RNASET2: variants seen among roughly 807,000 people sequenced by gnomAD.
RNASET2 encodes the protein ribonuclease 6.
A neutral mutation model predicts 33.9 loss-of-function variants in RNASET2; 28 were observed. That is an observed-to-expected ratio of 0.83 (90% CI 0.61 to 1.13). The LOEUF is 1.13. Among genes scored for constraint, RNASET2 ranks in the 50% most tolerant of loss-of-function variants. The probability of loss-of-function intolerance (pLI) is 0.00; values close to 1 mark genes in which losing one functional copy is unlikely to be tolerated. For synonymous variants in RNASET2, 123 were observed against 121.0 expected, an observed-to-expected ratio of 1.02 and a Z score of -0.11; for missense variants, 330 against 319.9, an observed-to-expected ratio of 1.03 and a Z score of -0.24.
intron 1 of RNASET2, among the ~76,000 whole-genome samples, chr6:166,955,308 GACACACA>G (rs1490318693): frequency 2.7e-5 from 1 of 36,966 alleles, no homozygotes; most frequent in Admixed American, 2.7e-4. Flanking sequence ...GCGCACACAC[GACACACA>G]CGCACACACA....
chr6:166,938,875 C>A lies in RNASET2; in HGVS notation c.446+20G>T. 1 of 1,550,942 alleles carries A rather than the reference C, an allele frequency of 6.4e-7. No individual in the cohort carries two copies. Among genetic ancestry groups the A allele is most frequent in the Non-Finnish European group, 8.9e-7 (1 of 1,122,276 alleles). ...AGAGATCCCCACTGGGAAGTGCAGCCGGGGGAAGGGCGCACCCACCTGTTG... is the reference window on the plus strand; with the variant it reads ...AGAGATCCCCACTGGGAAGTGCAGCAGGGGGAAGGGCGCACCCACCTGTTG... On this transcript the variant is annotated intron_variant, in intron 6 of 8. Coordinates refer to ENST00000508775, the MANE Select transcript of RNASET2 (RefSeq NM_003730.6).
In RNASET2 at chr6:166,946,682, C is replaced by T; in HGVS notation, c.261G>A (p.Lys87=). 1 of 1,505,614 alleles carries T rather than the reference C, an allele frequency of 6.6e-7. No homozygotes were observed. The highest frequency in any genetic ancestry group is 2.3e-5 in the East Asian group (1 of 43,328). The allele number at this position is 1,505,614 out of a possible 1,614,324, so 93.3% of individuals were successfully genotyped here. ...RSWPFNLEEI[K]DLLPEMRAYW... is the part of the protein sequence containing the mutation. ...TAGAAATATAATTAAAAGTCAATACCTTAATCTCTTCTAAATTGAAGGGCC... is the reference window on the plus strand; with the variant it reads ...TAGAAATATAATTAAAAGTCAATACTTTAATCTCTTCTAAATTGAAGGGCC... The change falls in exon 4 of 9, where the codon AAG becomes AAA. Residue 87 remains lysine (K), a splice_region_variant and synonymous_variant. Transcript: ENST00000508775.
chr6:166,932,808 G>A (rs1184332108), intron 7 of RNASET2: 1 of 152,212 alleles, frequency 6.6e-6, no homozygotes, highest in Non-Finnish European at 1.5e-5. Flanking sequence ...CCGAGCTCTG[G>A]GCAAACATGG....
rs748531821 is a variant in RNASET2, at chr6:166,955,411, G to GCACA, written c.86+682_86+685dup. ...CACACACACGCGCACACACACACGC[G>GCACA]CACACACACACACACGCGGAGGGCG... On this transcript the variant is annotated intron_variant, in intron 1 of 8. Coordinates refer to ENST00000508775, the MANE Select transcript of RNASET2 (RefSeq NM_003730.6). 5.3e-4 allele frequency: 276 copies of GCACA among 517,742 alleles called. 2 individuals carry two copies. The East Asian group carries it at 0.028, about 53-fold the overall frequency. 32.1% of individuals were successfully genotyped at this position (517,742 alleles called of 1,614,324 possible). A position where few individuals can be genotyped will look rare whatever the true frequency, so the allele number is the denominator to read the frequency against.
intron 7 of RNASET2, chr6:166,932,555 C>T (rs1778473126): frequency 6.6e-6 from 1 of 152,292 alleles, no homozygotes; most frequent in South Asian, 2.1e-4. Flanking sequence ...CGGCAGCTCT[C>T]CTGGGTGCTC....
intron 3 of RNASET2, among the ~76,000 whole-genome samples, chr6:166,947,055 C>T (rs192748659): frequency 5.3e-5 from 8 of 152,186 alleles, no homozygotes; most frequent in East Asian, 1.9e-4. Context: ...GGGTCAGCCC[C>T]GGCTGGGTTG....
intron 1 of RNASET2, 34 bp from the exon 2 acceptor site, chr6:166,952,582 C>CT (rs760832781): frequency 6.4e-7 from 1 of 1,569,758 alleles, no homozygotes; most frequent in Non-Finnish European, 8.8e-7. Context: ...TTTTCAAGAA[C>CT]TTTTTTTAAA....
intron 5 of RNASET2, among the ~76,000 whole-genome samples, chr6:166,940,423 C>T (rs1778667606): frequency 6.6e-6 from 1 of 152,176 alleles, no homozygotes; most frequent in South Asian, 2.1e-4. Context: ...GAGTAACTGT[C>T]TTCATCTAGA....
chr6:166,931,349 C>G (rs980953593), intron 7 of RNASET2: 5 of 572,748 alleles, frequency 8.7e-6, no homozygotes, highest in Non-Finnish European at 1.6e-5. Context: ...CTCTGTTTTC[C>G]TCTCTGCTCC....
intron 6 of RNASET2, 158 bp downstream of exon 6, chr6:166,938,737 A>G: frequency 5.2e-6 from 4 of 773,312 alleles, no homozygotes; most frequent in South Asian, 1.4e-5. Context: ...TAGGCTCAGA[A>G]CATTCCTCAG....
At chr6:166,948,518 T>A in intron 3 of RNASET2, 52 bp downstream of exon 3, 1 of 1,092,754 alleles carries the variant, frequency 9.2e-7, no homozygotes, top group Non-Finnish European at 1.4e-6. Flanking sequence ...AAGCTAGGGT[T>A]CCCAGTCAGC....
chr6:166,937,187 A>G (rs1339588552), intron 6 of RNASET2, among the ~76,000 whole-genome samples: 1 of 152,074 alleles, frequency 6.6e-6, no homozygotes, highest in African/African-American at 2.4e-5. Flanking sequence ...CACAGGCTGG[A>G]GTGCAATGGC....
chr6:166,954,193 C>T (rs1779052320), intron 1 of RNASET2, among the ~76,000 whole-genome samples: 1 of 151,618 alleles, frequency 6.6e-6, no homozygotes, highest in Non-Finnish European at 1.5e-5. Context: ...AAAGAAAAAT[C>T]ACCAAGGTCT....
At chr6:166,930,999 CT>C in intron 8 of RNASET2, 44 bp downstream of exon 8, 1 of 1,343,882 alleles carries the variant, frequency 7.4e-7, no homozygotes, top group Non-Finnish European at 1.1e-6. Context: ...AAAGTAGAAC[CT>C]GTCTTCTTGA....
chr6:166,952,380 C>T (rs566987943), intron 2 of RNASET2, 108 bp downstream of exon 2: 19 of 974,478 alleles, frequency 1.9e-5, no homozygotes, highest in Non-Finnish European at 3.2e-5. Flanking sequence ...CAGAGCGATG[C>T]CTACCTCCCG....
In RNASET2 at chr6:166,925,476, CCCAGCCCTCACCTCCCCTGT is replaced by C. The variant is rs914286926; in HGVS notation, c.*4092_*4111del. ...TGCCACCCAGGCCTCATCTATACTG[CCCAGCCCTCACCTCCCCTGT>C]CCAGCCCTCACCTCCCCGGTCCAGC... On this transcript the variant is annotated 3_prime_UTR_variant, in exon 9 of 9. Transcript: ENST00000508775. 2.0e-5 allele frequency among the ~76,000 whole-genome samples: 3 copies of C among 151,400 alleles called. No homozygotes were observed. Among genetic ancestry groups the C allele is most frequent in the Admixed American group, 1.3e-4 (2 of 15,212 alleles).
At position 166,946,899 on chromosome 6, in the gene RNASET2, G is replaced by A. The variant is rs1322646269; in HGVS notation, c.204-160C>T. 6 of 696,506 alleles carry A rather than the reference G, an allele frequency of 8.6e-6. No individual in the cohort carries two copies. The East Asian group carries it at 1.1e-4, about 13-fold the overall frequency. The allele number at this position is 696,506 out of a possible 1,614,324, so 43.1% of individuals were successfully genotyped here. A position where few individuals can be genotyped will look rare whatever the true frequency, so the allele number is the denominator to read the frequency against. Reference sequence around the variant, plus strand: ...CCCAGGCAGGATGCTTAAGAAAGAAGATGCAGGTAAGAGGAGTCAGAGTTC... The same window carrying A: ...CCCAGGCAGGATGCTTAAGAAAGAAAATGCAGGTAAGAGGAGTCAGAGTTC... On this transcript the variant is annotated intron_variant, in intron 3 of 8. Transcript: ENST00000508775.
intron 2 of RNASET2, 62 bp from the exon 3 acceptor site, chr6:166,948,687 C>A: frequency 2.0e-6 from 2 of 982,690 alleles, no homozygotes; most frequent in Non-Finnish European, 3.3e-6. Flanking sequence ...CACTTAGGAA[C>A]CCTATTAAAA....
rs916178191 is a variant in RNASET2, at chr6:166,933,995, G to A, written c.492+96C>T. On this transcript the variant is annotated intron_variant, in intron 7 of 8. Transcript: ENST00000508775. The surrounding 1 kb of genome is among the most constrained non-coding windows in gnomAD (Gnocchi z 4.1). Reference sequence around the variant, plus strand: ...TTTAAGTAGGAAGGGGGTTTGCACTGGGGCAATTTACAGCCCATTGACTCA... The same window carrying A: ...TTTAAGTAGGAAGGGGGTTTGCACTAGGGCAATTTACAGCCCATTGACTCA... 31 of 861,822 alleles carry A rather than the reference G, an allele frequency of 3.6e-5. No individual in the cohort carries two copies. Among genetic ancestry groups the A allele is most frequent in the South Asian group, 3.6e-4 (27 of 76,054 alleles). The allele number at this position is 861,822 out of a possible 1,614,324, so 53.4% of individuals were successfully genotyped here. A position where few individuals can be genotyped will look rare whatever the true frequency, so the allele number is the denominator to read the frequency against.
Sources: gnomAD v4.1 joint callset for allele counts (sites outside exome capture counted in the v4.1 genomes callset) on GRCh38, gnomAD v4.1.1 for gene constraint, Gnocchi (gnomAD v3.1) non-coding constraint, MANE v1.5 for transcripts, NCBI Gene and HGNC (gene_info 2026-07-23, HGNC 2026-07-21) for gene names.